AKAP6: variants seen among roughly 807,000 people sequenced by gnomAD.
AKAP6 encodes A-kinase anchor protein 6.
Under a neutral mutation model 188.5 loss-of-function variants are expected in AKAP6, and 58 were observed. The ratio of observed to expected loss-of-function variants is 0.31; its 90% CI spans 0.25 to 0.38. The LOEUF is 0.38. Among genes scored for constraint, AKAP6 ranks in the 10% least tolerant of loss-of-function variants. AKAP6 has a pLI of 1.00. For synonymous variants in AKAP6, 989 were observed against 998.6 expected (o/e 0.99, Z 0.18); for missense variants, 2,710 against 2,740.0 (o/e 0.99, Z 0.24).
intron 9 of AKAP6, among the ~76,000 whole-genome samples, chr14:32,697,660 T>C (rs1407467172): frequency 3.3e-5 from 5 of 152,144 alleles, no homozygotes; most frequent in African/African-American, 9.6e-5. Context: ...TGATGCCAAA[T>C]AATATTTCTT....
At chr14:32,669,037 A>G (rs778526420) in intron 7 of AKAP6, among the ~76,000 whole-genome samples, 9 of 152,142 alleles carry the variant, frequency 5.9e-5, no homozygotes, top group Non-Finnish European at 8.8e-5. Flanking sequence ...GAAGTATAAT[A>G]TTGGTCTTAC....
intron 7 of AKAP6, among the ~76,000 whole-genome samples, chr14:32,640,017 A>G (rs1887685496): frequency 6.6e-6 from 1 of 152,182 alleles, no homozygotes; most frequent in South Asian, 2.1e-4. Flanking sequence ...TAATATAGAT[A>G]CATCTCAAGG....
At chr14:32,566,770 T>C (rs1884208857) in intron 4 of AKAP6, among the ~76,000 whole-genome samples, 1 of 152,162 alleles carries the variant, frequency 6.6e-6, no homozygotes, top group African/African-American at 2.4e-5. Flanking sequence ...AAAACTCTAG[T>C]TCTGTACTTT....
intron 7 of AKAP6, among the ~76,000 whole-genome samples, chr14:32,631,469 A>C (rs980131554): frequency 1.3e-5 from 2 of 152,128 alleles, no homozygotes; most frequent in Non-Finnish European, 2.9e-5. Context: ...GGTTTTACAA[A>C]TATGGCAAGA....
At chr14:32,443,227 C>T (rs1279899010) in intron 2 of AKAP6, among the ~76,000 whole-genome samples, 1 of 151,966 alleles carries the variant, frequency 6.6e-6, no homozygotes, top group East Asian at 1.9e-4. Flanking sequence ...AATCCTGTTT[C>T]TACTAAAAAT....
chr14:32,553,189 G>T (rs1218259630), intron 4 of AKAP6, among the ~76,000 whole-genome samples: 1 of 143,150 alleles, frequency 7.0e-6, no homozygotes, highest in Non-Finnish European at 1.5e-5. Context: ...TTGAGATGGA[G>T]TCTTGCTCTG....
chr14:32,379,653 G>A (rs1384176156), intron 1 of AKAP6, among the ~76,000 whole-genome samples: 4 of 151,888 alleles, frequency 2.6e-5, no homozygotes, highest in African/African-American at 9.7e-5. Context: ...GTAGACTTTG[G>A]TCATAGGCTT....
intron 8 of AKAP6, among the ~76,000 whole-genome samples, chr14:32,679,063 A>G (rs928136067): frequency 1.3e-5 from 2 of 152,192 alleles, no homozygotes; most frequent in Non-Finnish European, 2.9e-5. Context: ...CTAACTATTC[A>G]TACTATTGAA....
intron 5 of AKAP6, among the ~76,000 whole-genome samples, chr14:32,581,619 G>A (rs1884970201): frequency 6.6e-6 from 1 of 152,100 alleles, no homozygotes; most frequent in Admixed American, 6.5e-5. Context: ...TTATTATTGT[G>A]TGGGAATCTA....
At chr14:32,727,675 T>C (rs1372523877) in intron 9 of AKAP6, among the ~76,000 whole-genome samples, 1 of 152,190 alleles carries the variant, frequency 6.6e-6, no homozygotes, top group Non-Finnish European at 1.5e-5. Context: ...CAATTTTAAA[T>C]GACATTGCAC....
intron 9 of AKAP6, among the ~76,000 whole-genome samples, chr14:32,717,607 A>G (rs1374533013): frequency 2.4e-5 from 3 of 123,592 alleles, no homozygotes; most frequent in Non-Finnish European, 4.9e-5. Context: ...CTTGTCTCTT[A>G]TCACACACAC....
chr14:32,711,272 G>T (rs1224368439), intron 9 of AKAP6, among the ~76,000 whole-genome samples: 3 of 151,984 alleles, frequency 2.0e-5, no homozygotes, highest in Non-Finnish European at 4.4e-5. Flanking sequence ...GTCACCACCA[G>T]GTGGCCTCCT....
intron 7 of AKAP6, among the ~76,000 whole-genome samples, chr14:32,643,063 A>G (rs1887827421): frequency 6.6e-6 from 1 of 152,186 alleles, no homozygotes; most frequent in Admixed American, 6.5e-5. Flanking sequence ...GTACATTTCA[A>G]TATAACTCTT....
At chr14:32,636,914 C>G (rs11849313) in intron 7 of AKAP6, among the ~76,000 whole-genome samples, 3,333 of 152,024 alleles carry the variant, frequency 0.022, 128 homozygotes, top group African/African-American at 0.076. Flanking sequence ...GGGTCTCTAA[C>G]AGCAGTGCAG....
At position 32,581,602 on chromosome 14, in the gene AKAP6, T is replaced by A. The variant is rs1319814656; in HGVS notation, c.2469+4360T>A. 3.3e-5 allele frequency among the ~76,000 whole-genome samples: 5 copies of A among 152,152 alleles called. No individual in the cohort carries two copies. In the East Asian group the frequency reaches 9.6e-4, roughly 29 times the overall value. On this transcript the variant is annotated intron_variant, in intron 5 of 13. Coordinates refer to ENST00000280979, the MANE Select transcript of AKAP6 (RefSeq NM_004274.5). ...TAATGTTGACAGTGGGTTGTTAAAGTCTCCCATTATTATTGTGTGGGAATC... is the reference window on the plus strand; with the variant it reads ...TAATGTTGACAGTGGGTTGTTAAAGACTCCCATTATTATTGTGTGGGAATC...
At chr14:32,436,271 A>G (rs890479219) in intron 2 of AKAP6, among the ~76,000 whole-genome samples, 4 of 152,182 alleles carry the variant, frequency 2.6e-5, no homozygotes, top group South Asian at 2.1e-4. Context: ...CCTAATTTAT[A>G]TGTTCATCTC....
chr14:32,722,184 C>G (rs956291713), intron 9 of AKAP6, among the ~76,000 whole-genome samples: 1 of 152,176 alleles, frequency 6.6e-6, no homozygotes, highest in Non-Finnish European at 1.5e-5. Flanking sequence ...AACAGCTTGA[C>G]CCTTGGGGAA....
intron 2 of AKAP6, among the ~76,000 whole-genome samples, chr14:32,460,746 T>C (rs190798137): frequency 1.3e-5 from 2 of 152,316 alleles, no homozygotes; most frequent in East Asian, 3.9e-4. Flanking sequence ...GAAAGGGGGT[T>C]GAAGCCAAGG....
chr14:32,598,704 C>T (rs1009615615), intron 5 of AKAP6, among the ~76,000 whole-genome samples: 5 of 152,094 alleles, frequency 3.3e-5, no homozygotes, highest in Non-Finnish European at 5.9e-5. Flanking sequence ...ATTAATTCCA[C>T]ATAAAGCATT....
Sources: allele counts gnomAD v4.1 joint callset (sites outside exome capture counted in the v4.1 genomes callset), GRCh38; gene constraint gnomAD v4.1.1; transcripts MANE v1.5; gene names NCBI Gene and HGNC (gene_info 2026-07-23, HGNC 2026-07-21).